Variants in GRID2 observed in about 807,000 individuals in gnomAD.
GRID2 encodes the protein glutamate receptor ionotropic, delta-2.
A neutral mutation model predicts 114.8 loss-of-function variants in GRID2; 33 were observed. The ratio of observed to expected loss-of-function variants is 0.29; its 90% CI spans 0.22 to 0.38. GRID2 has a LOEUF of 0.38. Among genes scored for constraint, GRID2 ranks in the 10% least tolerant of loss-of-function variants. The pLI is 1.00. For missense variants in GRID2, 1,184 were observed against 1,257.7 expected (o/e 0.94, Z 0.89); for synonymous variants, 505 against 449.9 (o/e 1.12, Z -1.55).
At chr4:93,345,587 A>G (rs1255256956) in intron 8 of GRID2, among the ~76,000 whole-genome samples, 2 of 151,840 alleles carry the variant, frequency 1.3e-5, no homozygotes, top group Non-Finnish European at 2.9e-5. Context: ...CCCATTCTGT[A>G]GGTTGTCTCT....
intron 13 of GRID2, among the ~76,000 whole-genome samples, chr4:93,574,500 A>C (rs1013528477): frequency 6.6e-6 from 1 of 152,214 alleles, no homozygotes; most frequent in African/African-American, 2.4e-5. Flanking sequence ...GAAGGCTCAC[A>C]ATCATGGCAG....
At chr4:92,781,432 A>G (rs1161294555) in intron 2 of GRID2, among the ~76,000 whole-genome samples, 1 of 152,152 alleles carries the variant, frequency 6.6e-6, no homozygotes, top group East Asian at 1.9e-4. Context: ...ATAAGTTTAT[A>G]CACTTATTTC....
At chr4:93,503,582 T>C (rs1476185762) in intron 12 of GRID2, among the ~76,000 whole-genome samples, 42 of 150,728 alleles carry the variant, frequency 2.8e-4, no homozygotes, top group Non-Finnish European at 1.5e-5. Context: ...GGTGTTCGGT[T>C]TTTTGTCCTT....
chr4:93,551,429 G>A (rs1311566815), intron 13 of GRID2, among the ~76,000 whole-genome samples: 2 of 152,114 alleles, frequency 1.3e-5, no homozygotes, highest in Admixed American at 6.6e-5. Context: ...AGAGGGAAAG[G>A]CTAGCAGAAA....
chr4:93,031,745 T>A (rs1373523764), intron 2 of GRID2, among the ~76,000 whole-genome samples: 1 of 142,074 alleles, frequency 7.0e-6, no homozygotes, highest in South Asian at 2.2e-4. Context: ...CAATTAAACC[T>A]TTTTTTTTTT....
chr4:93,592,279 A>C, intron 13 of GRID2, among the ~76,000 whole-genome samples: 1 of 152,090 alleles, frequency 6.6e-6, no homozygotes, highest in African/African-American at 2.4e-5. Flanking sequence ...TTGGTTTCAA[A>C]GAACATCTTT....
intron 2 of GRID2, among the ~76,000 whole-genome samples, chr4:92,730,100 A>G (rs1305356507): frequency 2.6e-5 from 4 of 152,002 alleles, no homozygotes; most frequent in Admixed American, 2.6e-4. Context: ...CAAAATAATT[A>G]TATCACATAG....
intron 1 of GRID2, among the ~76,000 whole-genome samples, chr4:92,323,005 G>A (rs1726395789): frequency 6.6e-6 from 1 of 151,938 alleles, no homozygotes; most frequent in African/African-American, 2.4e-5. Flanking sequence ...CTAATTGAGT[G>A]CAACTTCTAG....
At chr4:92,667,030 C>G (rs912459616) in intron 2 of GRID2, among the ~76,000 whole-genome samples, 1 of 151,460 alleles carries the variant, frequency 6.6e-6, no homozygotes, top group Admixed American at 6.6e-5. Context: ...ATGAAAACTG[C>G]TCTAGTAACA....
chr4:93,245,056 C>T (rs1748047956), intron 8 of GRID2, among the ~76,000 whole-genome samples: 1 of 151,864 alleles, frequency 6.6e-6, no homozygotes, highest in African/African-American at 2.4e-5. Flanking sequence ...TGTGAATTGA[C>T]AATATAATTA....
intron 7 of GRID2, among the ~76,000 whole-genome samples, chr4:93,225,420 T>A (rs1462889867): frequency 6.6e-6 from 1 of 152,228 alleles, no homozygotes; most frequent in Non-Finnish European, 1.5e-5. Flanking sequence ...CTTTGTCATG[T>A]CATCCTTCTT....
At chr4:93,393,831 G>A (rs916575024) in intron 8 of GRID2, among the ~76,000 whole-genome samples, 1 of 151,936 alleles carries the variant, frequency 6.6e-6, no homozygotes, top group South Asian at 2.1e-4. Flanking sequence ...CTGACAATAG[G>A]TTCACCAAAG....
intron 1 of GRID2, among the ~76,000 whole-genome samples, chr4:92,315,401 G>A (rs1459712082): frequency 1.3e-5 from 2 of 152,136 alleles, no homozygotes; most frequent in African/African-American, 4.8e-5. Flanking sequence ...AGCAAATTGT[G>A]TTCTGGCTGG....
intron 8 of GRID2, among the ~76,000 whole-genome samples, chr4:93,262,614 A>G (rs1352518111): frequency 6.6e-6 from 1 of 152,062 alleles, no homozygotes; most frequent in Non-Finnish European, 1.5e-5. Flanking sequence ...CTTGGAAAAG[A>G]AAAAGAAAAA....
At chr4:92,627,468 C>CAT (rs145321345) in intron 2 of GRID2, among the ~76,000 whole-genome samples, 8,453 of 151,972 alleles carry the variant, frequency 0.056, 300 homozygotes, top group East Asian at 0.16. Context: ...AGAAGTGTAA[C>CAT]AAATAATATT....
intron 1 of GRID2, among the ~76,000 whole-genome samples, chr4:92,518,436 G>T (rs11937212): frequency 0.042 from 6,407 of 151,906 alleles, 392 homozygotes; most frequent in African/African-American, 0.13. Context: ...AAAGTTAAAA[G>T]AAGTTTAAAA....
At chr4:93,281,154 G>A (rs1011810242) in intron 8 of GRID2, among the ~76,000 whole-genome samples, 1 of 151,880 alleles carries the variant, frequency 6.6e-6, no homozygotes, top group Non-Finnish European at 1.5e-5. Context: ...GGGGGCACGA[G>A]GGGAGTGGAG....
chr4:93,258,751 G>C (rs1285784092), intron 8 of GRID2: 3 of 340,226 alleles, frequency 8.8e-6, no homozygotes, highest in Non-Finnish European at 5.8e-6. Context: ...GAACCTGAAG[G>C]ATTGTCATTT....
rs72889622 is a variant in GRID2, at chr4:93,161,905, A to G, written c.736-45499A>G. ...TATCTATAGTTATTTCTAATTTTTT[A>G]TCTCATAAAATCTGCTGGAATTTAA... is the stretch of plus-strand genomic sequence containing the variant. On this transcript the variant is annotated intron_variant, in intron 4 of 15. Coordinates refer to ENST00000282020, the MANE Select transcript of GRID2 (RefSeq NM_001510.4). Among the ~76,000 whole-genome samples the G allele has an allele frequency of 2.5e-3, 375 of 151,764 alleles. 3 individuals carry two copies. Among genetic ancestry groups the G allele is most frequent in the African/African-American group, 8.6e-3 (356 of 41,482 alleles).
Sources: gnomAD v4.1 joint callset for allele counts (sites outside exome capture counted in the v4.1 genomes callset) on GRCh38, gnomAD v4.1.1 for gene constraint, MANE v1.5 for transcripts, NCBI Gene and HGNC (gene_info 2026-07-23, HGNC 2026-07-21) for gene names.